The following ZNF91 variants were observed in gnomAD, a reference collection of about 807,000 sequenced individuals.
ZNF91 encodes zinc finger protein 91.
Under a neutral mutation model 12.6 loss-of-function variants are expected in ZNF91, and 7 were observed. That is an observed-to-expected ratio of 0.55 (90% CI 0.31 to 1.04). The LOEUF is 1.04. Among genes scored for constraint, ZNF91 ranks in the 50% least tolerant of loss-of-function variants. The pLI is 0.05. For synonymous variants in ZNF91, 453 were observed against 462.6 expected (o/e 0.98, Z 0.27); for missense variants, 1,217 against 1,385.4 (o/e 0.88, Z 1.93).
intron 1 of ZNF91, among the ~76,000 whole-genome samples, chr19:23,323,766 G>C (rs901087114): frequency 1.5e-5 from 2 of 129,918 alleles, no homozygotes; most frequent in Non-Finnish European, 3.2e-5. Context: ...CATTCTTTTC[G>C]TCTCCTCCTT....
At chr19:23,336,324 C>T (rs1282997262), downstream of ZNF91, among the ~76,000 whole-genome samples, 7 of 152,116 alleles carry the variant, frequency 4.6e-5, no homozygotes, top group Non-Finnish European at 1.0e-4. Flanking sequence ...AAGAGTGGGA[C>T]TTTTAGCTTG....
At chr19:23,369,378 G>C (rs1969169385) in intron 3 of ZNF91, among the ~76,000 whole-genome samples, 1 of 151,782 alleles carries the variant, frequency 6.6e-6, no homozygotes, top group South Asian at 2.1e-4. Flanking sequence ...GCCCCGTCCG[G>C]GAGGGAGGTG....
At chr19:23,367,441 T>C (rs1265452397) in intron 3 of ZNF91, among the ~76,000 whole-genome samples, 1 of 152,186 alleles carries the variant, frequency 6.6e-6, no homozygotes, top group South Asian at 2.1e-4. Context: ...CAACATATTT[T>C]TGCACAGGAA....
intron 1 of ZNF91, among the ~76,000 whole-genome samples, chr19:23,323,129 G>A (rs1253338971): frequency 8.8e-6 from 1 of 113,064 alleles, no homozygotes; most frequent in African/African-American, 3.6e-5. Flanking sequence ...CTCCTTTTCA[G>A]TTCTTCCTCC....
At chr19:23,373,873 C>T in intron 2 of ZNF91, 36 bp from the exon 3 acceptor site, 1 of 1,504,228 alleles carries the variant, frequency 6.6e-7, no homozygotes, top group Non-Finnish European at 9.1e-7. Context: ...GAGTCTTGCT[C>T]ATATTCTCCA....
At chr19:23,340,523 T>C (rs777822844) in intron 3 of ZNF91, among the ~76,000 whole-genome samples, 2 of 151,988 alleles carry the variant, frequency 1.3e-5, no homozygotes, top group Admixed American at 1.3e-4. Context: ...AGTAGCATGA[T>C]TGAGTCAGCA....
intron 1 of ZNF91, among the ~76,000 whole-genome samples, chr19:23,316,362 T>C (rs1427459686): frequency 2.6e-5 from 4 of 152,178 alleles, no homozygotes; most frequent in Non-Finnish European, 5.9e-5. Flanking sequence ...GATTGTGACA[T>C]ATTGCTGGCA....
At chr19:23,333,369 G>A (rs1394865942) in intron 1 of ZNF91, among the ~76,000 whole-genome samples, 4 of 152,194 alleles carry the variant, frequency 2.6e-5, no homozygotes, top group African/African-American at 9.6e-5. Flanking sequence ...AACGTGATAT[G>A]AGCCAAGTAA....
chr19:23,393,243 G>T (rs1350473180), intron 1 of ZNF91, among the ~76,000 whole-genome samples: 2 of 152,052 alleles, frequency 1.3e-5, no homozygotes, highest in Non-Finnish European at 2.9e-5. Flanking sequence ...GCTGAATTGG[G>T]TGAAGGCAAT....
At chr19:23,369,563 A>G (rs1969183840) in intron 3 of ZNF91, among the ~76,000 whole-genome samples, 1 of 152,146 alleles carries the variant, frequency 6.6e-6, no homozygotes, top group Non-Finnish European at 1.5e-5. Context: ...GTCGAATAGA[A>G]AAGGGGGAAA....
chr19:23,370,431 A>C (rs1277323689), intron 3 of ZNF91, among the ~76,000 whole-genome samples: 1 of 152,246 alleles, frequency 6.6e-6, no homozygotes, highest in Admixed American at 6.5e-5. Flanking sequence ...ATTTCATTTT[A>C]ATTTTGCAAG....
chr19:23,315,964 G>T (rs1967550564), intron 1 of ZNF91, among the ~76,000 whole-genome samples: 1 of 152,110 alleles, frequency 6.6e-6, no homozygotes, highest in South Asian at 2.1e-4. Context: ...TCCTGCCTTT[G>T]CCCAACATAC....
intron 3 of ZNF91, among the ~76,000 whole-genome samples, chr19:23,344,916 C>G (rs186479211): frequency 6.6e-6 from 1 of 152,330 alleles, no homozygotes; most frequent in Admixed American, 6.5e-5. Context: ...AGCAGCTGGA[C>G]AAAAGAAGCT....
chr19:23,334,892 T>A (rs1327077142), downstream of ZNF91, among the ~76,000 whole-genome samples: 1 of 152,230 alleles, frequency 6.6e-6, no homozygotes, highest in Non-Finnish European at 1.5e-5. Flanking sequence ...TAAAACCAAG[T>A]TACCTAAATA....
intron 2 of ZNF91, chr19:23,307,817 A>G (rs1967417181): frequency 6.6e-6 from 1 of 152,214 alleles, no homozygotes; most frequent in African/African-American, 2.4e-5. Flanking sequence ...AAGGTGATGT[A>G]ACTCTCCTCT....
intron 1 of ZNF91, among the ~76,000 whole-genome samples, chr19:23,331,018 C>T (rs1967920735): frequency 6.6e-6 from 1 of 152,154 alleles, no homozygotes; most frequent in Non-Finnish European, 1.5e-5. Flanking sequence ...TTTAGATAAG[C>T]CACTCATAGC....
chr19:23,341,590 CAACA>C (rs1968125867), intron 3 of ZNF91, among the ~76,000 whole-genome samples: 1 of 151,460 alleles, frequency 6.6e-6, no homozygotes, highest in Non-Finnish European at 1.5e-5. Context: ...AATATTTTGC[CAACA>C]AATATATACA....
chr19:23,341,707 TAATATTAAAAAAAAATAGAG>T (rs529179185), intron 3 of ZNF91, among the ~76,000 whole-genome samples: 60 of 152,256 alleles, frequency 3.9e-4, no homozygotes, highest in African/African-American at 1.3e-3. Context: ...TTAGGATTGC[TAATATTAAAAAAAAATAGAG>T]AAGTAACATC....
intron 3 of ZNF91, among the ~76,000 whole-genome samples, chr19:23,350,376 G>A (rs1035412561): frequency 6.6e-6 from 1 of 152,054 alleles, no homozygotes; most frequent in Non-Finnish European, 1.5e-5. Flanking sequence ...TTTCTCTCCT[G>A]TGTTATCCCA....
Sources: gnomAD v4.1 joint callset for allele counts (sites outside exome capture counted in the v4.1 genomes callset) on GRCh38, gnomAD v4.1.1 for gene constraint, MANE v1.5 for transcripts, NCBI Gene and HGNC (gene_info 2026-07-23, HGNC 2026-07-21) for gene names.